The following IMMP2L variants were observed in gnomAD, a reference collection of about 807,000 sequenced individuals.
IMMP2L encodes the protein inner mitochondrial membrane peptidase subunit 2.
IMMP2L carries 18 observed loss-of-function variants against 19.3 expected under a neutral mutation model. That is an observed-to-expected ratio of 0.93 (90% CI 0.64 to 1.38). The LOEUF is 1.38. Among genes scored for constraint, IMMP2L ranks in the 40% most tolerant of loss-of-function variants. IMMP2L has a pLI of 0.00. For synonymous variants in IMMP2L, 76 were observed against 73.0 expected (o/e 1.04, Z -0.21); for missense variants, 233 against 218.2 (o/e 1.07, Z -0.43).
At chr7:111,039,254 G>A (rs1259452290) in intron 3 of IMMP2L, among the ~76,000 whole-genome samples, 1 of 152,094 alleles carries the variant, frequency 6.6e-6, no homozygotes, top group Admixed American at 6.5e-5. Context: ...TTAAGTTTCA[G>A]AATGTATTTA....
At chr7:111,239,273 A>G (rs1814712500) in intron 3 of IMMP2L, among the ~76,000 whole-genome samples, 1 of 151,872 alleles carries the variant, frequency 6.6e-6, no homozygotes, top group Non-Finnish European at 1.5e-5. Context: ...CCTTACACAT[A>G]TGTCACATAT....
intron 3 of IMMP2L, among the ~76,000 whole-genome samples, chr7:111,214,049 C>T (rs1421076810): frequency 6.6e-6 from 1 of 151,986 alleles, no homozygotes; most frequent in Non-Finnish European, 1.5e-5. Flanking sequence ...ATTTTTAATA[C>T]ACAATAAATC....
chr7:111,511,257 A>G (rs1318105995), intron 2 of IMMP2L, among the ~76,000 whole-genome samples: 3 of 152,082 alleles, frequency 2.0e-5, no homozygotes, highest in Non-Finnish European at 4.4e-5. Flanking sequence ...TTGAGAAATG[A>G]CACCATCGCT....
intron 5 of IMMP2L, among the ~76,000 whole-genome samples, chr7:110,712,296 G>A (rs1432211435): frequency 1.8e-5 from 1 of 54,162 alleles, no homozygotes; most frequent in Non-Finnish European, 4.2e-5. Context: ...GCCCCTGCTG[G>A]GGGGTGCCTC....
At chr7:111,539,248 AAGAAAGAAAGAAAGAAAGAAAG>A (rs1179018883) in intron 1 of IMMP2L, among the ~76,000 whole-genome samples, 3 of 145,834 alleles carry the variant, frequency 2.1e-5, no homozygotes, top group African/African-American at 7.6e-5. Context: ...GAAAGAAAGA[AAGAAAGAAAGAAAGAAAGAAAG>A]AGAACATACG....
intron 3 of IMMP2L, among the ~76,000 whole-genome samples, chr7:111,387,119 G>T (rs980577975): frequency 7.9e-5 from 12 of 152,060 alleles, no homozygotes; most frequent in Non-Finnish European, 1.3e-4. Flanking sequence ...ACACTCTAAG[G>T]ATAAAAGTAC....
chr7:110,883,785 A>G (rs181030072), intron 5 of IMMP2L, among the ~76,000 whole-genome samples: 1 of 152,206 alleles, frequency 6.6e-6, no homozygotes, highest in Admixed American at 6.5e-5. Flanking sequence ...TTATTTTTAG[A>G]TACTAGAATT....
At chr7:111,226,413 C>T (rs1813108914) in intron 3 of IMMP2L, among the ~76,000 whole-genome samples, 1 of 152,108 alleles carries the variant, frequency 6.6e-6, no homozygotes, top group East Asian at 1.9e-4. Flanking sequence ...AGCGATCCTC[C>T]TGCCTCAGCC....
intron 5 of IMMP2L, among the ~76,000 whole-genome samples, chr7:110,798,283 T>C (rs1489801592): frequency 6.6e-6 from 1 of 151,908 alleles, no homozygotes. Flanking sequence ...GTTTCAAAAA[T>C]AATCAACTAA....
In IMMP2L at chr7:111,441,888, C is replaced by T. The variant is rs540144359; in HGVS notation, c.239+45350G>A. Among the ~76,000 whole-genome samples, 8 of 151,854 alleles carry T rather than the reference C, an allele frequency of 5.3e-5. No homozygotes were observed. In the East Asian group the frequency reaches 1.4e-3, roughly 26 times the overall value. The stretch of plus-strand genomic sequence containing the variant: ...GCACTGTGGCTCACACCTGTAATCC[C>T]AGCACTTTGGGAGGCCAAGGCGGGC... On this transcript the variant is annotated intron_variant, in intron 3 of 5. Transcript: ENST00000405709.
At position 111,075,133 on chromosome 7, in the gene IMMP2L, T is replaced by C. The variant is rs1273999747; in HGVS notation, c.240-111568A>G. 9.2e-5 allele frequency among the ~76,000 whole-genome samples: 13 copies of C among 141,272 alleles called. No individual in the cohort carries two copies. The East Asian group carries it at 2.6e-3, about 29-fold the overall frequency. The allele number at this position is 141,272 out of a possible 152,430, so 92.7% of individuals were successfully genotyped here. On this transcript the variant is annotated intron_variant, in intron 3 of 5. Transcript: ENST00000405709. Reference sequence around the variant, plus strand: ...TTTTCAGACTTTTTTTTTTTTTTTTTTTTTTTTTTTTGAGATGGAATCTCT... The same window carrying C: ...TTTTCAGACTTTTTTTTTTTTTTTTCTTTTTTTTTTTGAGATGGAATCTCT...
intron 3 of IMMP2L, among the ~76,000 whole-genome samples, chr7:111,077,440 A>G (rs555588991): frequency 6.6e-6 from 1 of 152,338 alleles, no homozygotes; most frequent in South Asian, 2.1e-4. Context: ...ACCACTGTCT[A>G]CTATGATGTA....
Position 110,760,148 on chromosome 7 carries a change from A to C in IMMP2L, c.409-96427T>G, listed in dbSNP as rs1167875215. Among the ~76,000 whole-genome samples the C allele has an allele frequency of 5.3e-5, 8 of 152,074 alleles. No individual in the cohort carries two copies. Among genetic ancestry groups the C allele is most frequent in the South Asian group, 2.1e-4 (1 of 4,832 alleles). On this transcript the variant is annotated intron_variant, in intron 5 of 5. Transcript: ENST00000405709. This position sits in a 1 kb window ranked among gnomAD's most constrained non-coding sequence, Gnocchi z 4.2. Reference sequence around the variant, plus strand: ...ATCTACTTATCAGCCTTGGGTTGAGAATTCACTTGCTTTTGTGCCACCTTG... The same window carrying C: ...ATCTACTTATCAGCCTTGGGTTGAGCATTCACTTGCTTTTGTGCCACCTTG...
chr7:111,309,338 T>C (rs1308629206), intron 3 of IMMP2L, among the ~76,000 whole-genome samples: 1 of 152,122 alleles, frequency 6.6e-6, no homozygotes, highest in East Asian at 1.9e-4. Context: ...AAACAAAAAT[T>C]TTAAATGTTA....
chr7:111,345,534 G>A (rs1282218566), intron 3 of IMMP2L, among the ~76,000 whole-genome samples: 2 of 152,182 alleles, frequency 1.3e-5, no homozygotes, highest in East Asian at 1.9e-4. Flanking sequence ...TTTGAGGACT[G>A]CAACATATTA....
intron 3 of IMMP2L, among the ~76,000 whole-genome samples, chr7:111,265,366 G>T (rs984399886): frequency 2.6e-5 from 4 of 152,194 alleles, no homozygotes; most frequent in Non-Finnish European, 5.9e-5. Context: ...TCTACTTTGT[G>T]TTGAGATCTC....
At chr7:111,409,104 T>C (rs1834147307) in intron 3 of IMMP2L, among the ~76,000 whole-genome samples, 1 of 151,800 alleles carries the variant, frequency 6.6e-6, no homozygotes, top group African/African-American at 2.4e-5. Flanking sequence ...TCCTCTATTA[T>C]TCTTAAGAAA....
chr7:111,341,274 A>G (rs1358829965), intron 3 of IMMP2L, among the ~76,000 whole-genome samples: 1 of 152,096 alleles, frequency 6.6e-6, no homozygotes, highest in Non-Finnish European at 1.5e-5. Flanking sequence ...AAGATATTAA[A>G]TCAATTTTAT....
intron 3 of IMMP2L, among the ~76,000 whole-genome samples, chr7:111,211,817 C>T (rs918330381): frequency 2.0e-5 from 3 of 152,028 alleles, no homozygotes; most frequent in African/African-American, 7.2e-5. Flanking sequence ...CACGGTGAAA[C>T]CCCGTCTCTA....
Sources: allele counts gnomAD v4.1 joint callset (sites outside exome capture counted in the v4.1 genomes callset), GRCh38; gene constraint gnomAD v4.1.1; non-coding constraint Gnocchi (gnomAD v3.1); transcripts MANE v1.5; gene names NCBI Gene and HGNC (gene_info 2026-07-23, HGNC 2026-07-21).